Variants in SMOC2 observed in about 807,000 individuals in gnomAD.
SMOC2 encodes SPARC-related modular calcium-binding protein 2.
A neutral mutation model predicts 61.4 loss-of-function variants in SMOC2; 39 were observed. The observed-to-expected ratio is 0.64, with a 90% confidence interval of 0.49 to 0.83. The LOEUF (loss-of-function observed/expected upper bound fraction) is 0.83, where lower values mean the gene tolerates loss of function less well. Ranked by LOEUF, SMOC2 falls within the 40% of genes least tolerant of loss-of-function variation. The pLI, the probability that SMOC2 is intolerant of heterozygous loss-of-function variation, is 0.00. For synonymous variants in SMOC2, 247 were observed against 239.9 expected (o/e 1.03, Z -0.27); for missense variants, 556 against 592.9 (o/e 0.94, Z 0.65).
intron 7 of SMOC2, among the ~76,000 whole-genome samples, chr6:168,597,668 A>G (rs1785366360): frequency 6.6e-6 from 1 of 152,216 alleles, no homozygotes; most frequent in South Asian, 2.1e-4. Context: ...GGCTTAAAGC[A>G]CCATTTGTGG....
intron 2 of SMOC2, among the ~76,000 whole-genome samples, chr6:168,519,952 T>A (rs1288100987): frequency 2.6e-5 from 4 of 152,204 alleles, no homozygotes; most frequent in Non-Finnish European, 2.9e-5. Flanking sequence ...ATTATAATTT[T>A]GTTTCTGCCT....
chr6:168,445,080 A>G (rs1220329470), intron 1 of SMOC2, among the ~76,000 whole-genome samples: 1 of 152,228 alleles, frequency 6.6e-6, no homozygotes, highest in Non-Finnish European at 1.5e-5. Flanking sequence ...TTGTCTCCAC[A>G]TTCAAGAGAT....
chr6:168,442,758 G>A (rs543573389), intron 1 of SMOC2, among the ~76,000 whole-genome samples: 1 of 152,262 alleles, frequency 6.6e-6, no homozygotes, highest in Non-Finnish European at 1.5e-5. Context: ...TTTTAGCAGT[G>A]TGAAGGATGG....
intron 11 of SMOC2, chr6:168,655,432 G>C (rs529783257): frequency 2.2e-6 from 1 of 456,412 alleles, no homozygotes; most frequent in Non-Finnish European, 4.4e-6. Context: ...GAGCCCAGAT[G>C]TTCTTAGGAG....
chr6:168,569,532 C>A (rs1784618535), intron 7 of SMOC2, among the ~76,000 whole-genome samples: 1 of 152,208 alleles, frequency 6.6e-6, no homozygotes, highest in Non-Finnish European at 1.5e-5. Context: ...CCTCCACTTC[C>A]TGGACTCAAG....
chr6:168,623,843 G>C lies in SMOC2; in HGVS notation c.907+15604G>C, dbSNP rs556677296. 2.6e-5 allele frequency among the ~76,000 whole-genome samples: 4 copies of C among 152,268 alleles called. No individual in the cohort carries two copies. The East Asian group carries it at 7.8e-4, about 30-fold the overall frequency. ...AGTGATTCAGAGATGCACAAGACTG[G>C]GGCAGCCAGAGTGGCTGATGCGTGC... On this transcript the variant is annotated intron_variant, in intron 9 of 12. Coordinates refer to ENST00000356284, the MANE Select transcript of SMOC2 (RefSeq NM_001166412.2).
At chr6:168,624,389 T>C (rs1030516323) in intron 9 of SMOC2, among the ~76,000 whole-genome samples, 1 of 152,196 alleles carries the variant, frequency 6.6e-6, no homozygotes, top group African/African-American at 2.4e-5. Context: ...TTCTGTACAA[T>C]AAAGTACTCG....
rs1562340094 is a variant in SMOC2 at position 168,547,130 on chromosome 6, G to GT, written c.523_524insT (p.Ala175ValfsTer12). On this transcript the variant is annotated frameshift_variant, in exon 6 of 13. Transcript: ENST00000356284. LOFTEE classifies it high-confidence loss of function. ...CGTTCTGAATTCAGATGATGCCGCAGCTCCAGCGTTGGAGACTCAGCCTCA... is the reference window on the plus strand; with the variant it reads ...CGTTCTGAATTCAGATGATGCCGCAGTCTCCAGCGTTGGAGACTCAGCCTCA... 2 of 1,614,110 alleles carry GT rather than the reference G, an allele frequency of 1.2e-6. No homozygotes were observed.
chr6:168,570,634 G>A (rs910800287), intron 7 of SMOC2, among the ~76,000 whole-genome samples: 6 of 152,152 alleles, frequency 3.9e-5, no homozygotes, highest in Non-Finnish European at 7.3e-5. Flanking sequence ...TCTACAATGG[G>A]CCTTGTTTCC....
At chr6:168,661,940 GC>G (rs1787519576) in intron 11 of SMOC2, among the ~76,000 whole-genome samples, 1 of 152,176 alleles carries the variant, frequency 6.6e-6, no homozygotes, top group Non-Finnish European at 1.5e-5. Context: ...CATAGATTTA[GC>G]CACTGCTCGA....
At chr6:168,624,898 AACAC>A (rs1196786951) in intron 9 of SMOC2, among the ~76,000 whole-genome samples, 2 of 151,192 alleles carry the variant, frequency 1.3e-5, no homozygotes, top group South Asian at 4.2e-4. Context: ...CAGATACATA[AACAC>A]ACATGTACAC....
intron 7 of SMOC2, 62 bp downstream of exon 7, chr6:168,549,265 G>A (rs182331915): frequency 9.7e-5 from 143 of 1,475,060 alleles, no homozygotes; most frequent in Non-Finnish European, 1.3e-4. Flanking sequence ...AAATGATGGG[G>A]TTTTTTTTTG....
At chr6:168,461,480 T>C (rs1331554475) in intron 1 of SMOC2, among the ~76,000 whole-genome samples, 1 of 152,230 alleles carries the variant, frequency 6.6e-6, no homozygotes. Context: ...AATGAACTTT[T>C]ATGACAACTT....
intron 1 of SMOC2, among the ~76,000 whole-genome samples, chr6:168,474,889 A>C (rs1189676292): frequency 6.6e-6 from 1 of 152,170 alleles, no homozygotes; most frequent in Non-Finnish European, 1.5e-5. Context: ...TTTGACTGCT[A>C]AACTACAGTT....
Position 168,508,094 on chromosome 6 carries a change from G to A in SMOC2, c.85-1821G>A, listed in dbSNP as rs143788136. Among the ~76,000 whole-genome samples, 351 of 152,300 alleles carry A rather than the reference G, an allele frequency of 2.3e-3. 8 individuals are homozygous for A. In the East Asian group the frequency reaches 0.055, roughly 24 times the overall value. ...TCTGGTGAGGTCTGGGGCTCCCCACGGGCCGTCCGGCCCCTACAGCATCTT... is the reference window on the plus strand; with the variant it reads ...TCTGGTGAGGTCTGGGGCTCCCCACAGGCCGTCCGGCCCCTACAGCATCTT... On this transcript the variant is annotated intron_variant, in intron 1 of 12. Transcript: ENST00000356284.
intron 4 of SMOC2, among the ~76,000 whole-genome samples, chr6:168,537,959 T>C (rs1201207699): frequency 6.6e-6 from 1 of 152,072 alleles, no homozygotes; most frequent in Non-Finnish European, 1.5e-5. Context: ...CCCTGGAATC[T>C]GGGGAGTGGG....
At chr6:168,500,903 G>T (rs1182471684) in intron 1 of SMOC2, among the ~76,000 whole-genome samples, 2 of 152,160 alleles carry the variant, frequency 1.3e-5, no homozygotes, top group African/African-American at 4.8e-5. Flanking sequence ...TAAGGATGGT[G>T]CCTGAGGCTG....
intron 1 of SMOC2, among the ~76,000 whole-genome samples, chr6:168,491,492 A>G (rs1432876253): frequency 6.6e-6 from 1 of 152,130 alleles, no homozygotes; most frequent in Non-Finnish European, 1.5e-5. Flanking sequence ...TCACCCATGG[A>G]GCATCTTTTA....
At chr6:168,547,676 G>A (rs1784038600) in intron 6 of SMOC2, among the ~76,000 whole-genome samples, 1 of 152,062 alleles carries the variant, frequency 6.6e-6, no homozygotes, top group East Asian at 1.9e-4. Flanking sequence ...TTGCTTGGCT[G>A]TAGAAATAAT....
Sources: gnomAD v4.1 joint callset for allele counts (sites outside exome capture counted in the v4.1 genomes callset) on GRCh38, gnomAD v4.1.1 for gene constraint, MANE v1.5 for transcripts, NCBI Gene and HGNC (gene_info 2026-07-23, HGNC 2026-07-21) for gene names.